The following OTOGL variants were observed in gnomAD, a reference collection of about 807,000 sequenced individuals.
OTOGL encodes otogelin-like protein.
In OTOGL, 285 loss-of-function variants were observed where a neutral mutation model predicts 318.5. That is an observed-to-expected ratio of 0.89 (90% CI 0.81 to 0.99). The LOEUF is 0.99. Among genes scored for constraint, OTOGL ranks in the 50% least tolerant of loss-of-function variants. The pLI is 0.00. For synonymous variants in OTOGL, 987 were observed against 936.5 expected (o/e 1.05, Z -0.99); for missense variants, 2,899 against 2,845.6 (o/e 1.02, Z -0.43).
intron 1 of OTOGL, among the ~76,000 whole-genome samples, chr12:80,149,707 A>C (rs1018704243): frequency 2.6e-5 from 4 of 152,184 alleles, no homozygotes; most frequent in African/African-American, 9.7e-5. Flanking sequence ...CTGCTGTGCT[A>C]GCAATCATCG....
chr12:80,293,492 C>T (rs1885179814), intron 26 of OTOGL, among the ~76,000 whole-genome samples: 1 of 151,296 alleles, frequency 6.6e-6, no homozygotes, highest in African/African-American at 2.5e-5. Flanking sequence ...TGGCCCCAGG[C>T]AGCAGAGTCA....
Position 80,336,448 on chromosome 12 carries a change from A to G in OTOGL, c.4636A>G (p.Thr1546Ala). Residue 1546 changes from threonine to alanine, a missense_variant, in exon 40 of 59, where the codon ACA becomes GCA. Transcript: ENST00000547103. ...CSMLSELSII[T>A]FDGNNAALYS... ...CATGTTGTCAGAACTGAGCATTATT[A>G]CATTTGATGGAAACAACGCAGCATT... The G allele has an allele frequency of 6.2e-7, 1 of 1,609,372 alleles. No individual in the cohort carries two copies. Among genetic ancestry groups the G allele is most frequent in the Non-Finnish European group, 8.5e-7 (1 of 1,177,488 alleles).
chr12:80,301,348 T>C (rs143278118), intron 27 of OTOGL, among the ~76,000 whole-genome samples: 1 of 152,348 alleles, frequency 6.6e-6, no homozygotes, highest in East Asian at 1.9e-4. Flanking sequence ...TTCTCTCTGC[T>C]TTATCCTTTC....
chr12:80,100,549 A>G (rs1869078018), intron 1 of OTOGL, among the ~76,000 whole-genome samples: 1 of 152,160 alleles, frequency 6.6e-6, no homozygotes, highest in African/African-American at 2.4e-5. Flanking sequence ...AACCCATATA[A>G]TTGATTTCAA....
Position 80,254,568 on chromosome 12 carries a change from C to A in OTOGL, c.1439C>A (p.Pro480Gln). The A allele has an allele frequency of 6.2e-7, 1 of 1,603,204 alleles. No individual in the cohort carries two copies. The change falls in exon 15 of 59, where the codon CCA (proline) becomes CAA (glutamine). Residue 480 changes from proline to glutamine, a missense_variant and splice_region_variant. By Grantham distance (76) the Pro-to-Gln change is moderately conservative. This residue lies in a region of OTOGL where 2,607 missense variants were observed against 2,524.9 expected (regional missense o/e 1.03). Coordinates refer to ENST00000547103, the MANE Select transcript of OTOGL (RefSeq NM_001378609.3). ...TGGAACTGCACTGAGCAAGACTGTC[C>A]AGGTAATTTTTTAAAATGTTTTTAT... is the stretch of plus-strand genomic sequence containing the variant. ...GVWNCTEQDC[P>Q]VQCSVVGDSH...
chr12:80,152,662 C>A (rs898139463), intron 1 of OTOGL, among the ~76,000 whole-genome samples: 5 of 152,088 alleles, frequency 3.3e-5, no homozygotes, highest in African/African-American at 9.7e-5. Context: ...AAAAATCCAA[C>A]CTTTGTCATC....
chr12:80,202,516 G>A (rs372154889), intron 1 of OTOGL, among the ~76,000 whole-genome samples: 1 of 152,082 alleles, frequency 6.6e-6, no homozygotes, highest in Non-Finnish European at 1.5e-5. Context: ...CAGGTGATCC[G>A]CCTGCCTTGG....
chr12:80,126,607 G>C (rs1325975560), intron 1 of OTOGL, among the ~76,000 whole-genome samples: 1 of 152,116 alleles, frequency 6.6e-6, no homozygotes, highest in Admixed American at 6.6e-5. Context: ...TTAACTTTCT[G>C]TCTCATTGAT....
chr12:80,232,415 T>C (rs1371003812), intron 8 of OTOGL, among the ~76,000 whole-genome samples: 8 of 152,208 alleles, frequency 5.3e-5, no homozygotes, highest in African/African-American at 1.9e-4. Context: ...TAAAATAAAA[T>C]TAAACAAAAT....
chr12:80,166,646 A>G (rs373509986), intron 1 of OTOGL, among the ~76,000 whole-genome samples: 3 of 152,334 alleles, frequency 2.0e-5, no homozygotes, highest in Non-Finnish European at 4.4e-5. Flanking sequence ...ATTAACAAAT[A>G]TATAAATTGT....
chr12:80,316,196 G>GC (rs1285374249), intron 32 of OTOGL, among the ~76,000 whole-genome samples: 1 of 152,116 alleles, frequency 6.6e-6, no homozygotes, highest in Non-Finnish European at 1.5e-5. Flanking sequence ...ATGCTACGTG[G>GC]CCTACTGTAT....
chr12:80,345,904 T>C (rs1424319756), intron 44 of OTOGL, among the ~76,000 whole-genome samples: 6 of 152,188 alleles, frequency 3.9e-5, no homozygotes. Flanking sequence ...ATTCTGGTCA[T>C]GATGATTCAG....
chr12:80,108,259 A>G (rs1869574251), intron 1 of OTOGL, among the ~76,000 whole-genome samples: 1 of 152,090 alleles, frequency 6.6e-6, no homozygotes, highest in Non-Finnish European at 1.5e-5. Flanking sequence ...CAAATGGATT[A>G]TGTCATTTGA....
At chr12:80,268,933 A>T (rs1883207199) in intron 22 of OTOGL, among the ~76,000 whole-genome samples, 1 of 151,812 alleles carries the variant, frequency 6.6e-6, no homozygotes. Flanking sequence ...TCCCTCCTCA[A>T]TGAAAAAAAA....
intron 32 of OTOGL, among the ~76,000 whole-genome samples, chr12:80,318,302 C>G (rs992003512): frequency 6.6e-6 from 1 of 152,048 alleles, no homozygotes; most frequent in Admixed American, 6.6e-5. Context: ...TAAGATTAAA[C>G]CTTTATGAAA....
Position 80,254,843 on chromosome 12 carries a change from A to G in OTOGL, c.1442-197A>G, listed in dbSNP as rs78736660. 0.046 allele frequency among the ~76,000 whole-genome samples: 7,033 copies of G among 152,054 alleles called. 553 individuals carry two copies. Among genetic ancestry groups the G allele is most frequent in the African/African-American group, 0.16 (6,698 of 41,488 alleles). On this transcript the variant is annotated intron_variant, in intron 15 of 58. Transcript: ENST00000547103. ...TAAACATTAAATTAAATGGGATAAT[A>G]TAATTTAGTCTAGTAAGTTTGTCAA...
chr12:80,290,853 A>G (rs1884997582), intron 26 of OTOGL, among the ~76,000 whole-genome samples: 1 of 152,194 alleles, frequency 6.6e-6, no homozygotes, highest in Admixed American at 6.5e-5. Flanking sequence ...CATATCTACT[A>G]TTTATACTCC....
intron 20 of OTOGL, 39 bp downstream of exon 20, chr12:80,265,249 C>A: frequency 6.5e-7 from 1 of 1,542,890 alleles, no homozygotes; most frequent in Non-Finnish European, 8.9e-7. Context: ...TCAGATAATA[C>A]CTTAGAGACC....
Position 80,265,102 on chromosome 12 carries a change from G to T in OTOGL, c.2116G>T (p.Ala706Ser). Residue 706 changes from alanine to serine, a missense_variant, in exon 20 of 59, where the codon GCA (alanine) becomes TCA (serine). Ala to Ser is a moderately conservative substitution (Grantham distance 99). This residue lies in a region of OTOGL where 2,607 missense variants were observed against 2,524.9 expected (regional missense o/e 1.03). Coordinates refer to ENST00000547103, the MANE Select transcript of OTOGL (RefSeq NM_001378609.3). ...GTACTATCAGCTATGCCGCCACGATGCATGCAAGTGTGGAAGCTCCTGCCT... is the reference window on the plus strand; with the variant it reads ...GTACTATCAGCTATGCCGCCACGATTCATGCAAGTGTGGAAGCTCCTGCCT... ...GLYYQLCRHD[A>S]CKCGSSCLCN... 1 of 1,613,850 alleles carries T rather than the reference G, an allele frequency of 6.2e-7. No individual in the cohort carries two copies. Among genetic ancestry groups the T allele is most frequent in the African/African-American group, 1.3e-5 (1 of 75,030 alleles).
Sources: gnomAD v4.1 joint callset for allele counts (sites outside exome capture counted in the v4.1 genomes callset) on GRCh38, gnomAD v4.1.1 for gene constraint, gnomAD v4.1.1 regional missense constraint, MANE v1.5 for transcripts, NCBI Gene and HGNC (gene_info 2026-07-23, HGNC 2026-07-21) for gene names.